Variants in PPP4R3B observed in about 807,000 individuals in gnomAD.
PPP4R3B encodes protein phosphatase 4 regulatory subunit 3B, also known as serine/threonine-protein phosphatase 4 regulatory subunit 3B.
A neutral mutation model predicts 95.4 loss-of-function variants in PPP4R3B; 52 were observed. That is an observed-to-expected ratio of 0.54 (90% CI 0.44 to 0.69). PPP4R3B has a LOEUF of 0.69. Among genes scored for constraint, PPP4R3B ranks in the 30% least tolerant of loss-of-function variants. PPP4R3B has a pLI of 0.00. For missense variants in PPP4R3B, 1,003 were observed against 1,005.9 expected, an observed-to-expected ratio of 1.00 and a Z score of 0.04; for synonymous variants, 407 against 343.9, an observed-to-expected ratio of 1.18 and a Z score of -2.03.
At chr2:55,602,474 C>T (rs996376323) in intron 3 of PPP4R3B, among the ~76,000 whole-genome samples, 1 of 152,178 alleles carries the variant, frequency 6.6e-6, no homozygotes, top group Non-Finnish European at 1.5e-5. Context: ...GCCAGACATA[C>T]TATGCTAACA....
At chr2:55,599,165 C>T (rs1401449783) in intron 3 of PPP4R3B, 126 bp from the exon 4 acceptor site, 5 of 866,902 alleles carry the variant, frequency 5.8e-6, no homozygotes, top group African/African-American at 3.4e-5. Context: ...AGGCCAGGCA[C>T]GGTGGCTCAC....
chr2:55,574,482 A>G (rs370319505), intron 11 of PPP4R3B, among the ~76,000 whole-genome samples: 3 of 152,222 alleles, frequency 2.0e-5, no homozygotes, highest in Non-Finnish European at 4.4e-5. Flanking sequence ...CTTTTTGCCT[A>G]AAGTGGCTCA....
At chr2:55,606,912 CATT>C (rs925953136) in intron 2 of PPP4R3B, among the ~76,000 whole-genome samples, 11 of 151,456 alleles carry the variant, frequency 7.3e-5, no homozygotes, top group East Asian at 3.9e-4. Context: ...TCTATTACAT[CATT>C]GTTTCTGCTT....
chr2:55,597,904 A>G (rs1692023945), intron 4 of PPP4R3B, among the ~76,000 whole-genome samples: 1 of 152,136 alleles, frequency 6.6e-6, no homozygotes, highest in Admixed American at 6.5e-5. Context: ...TAAAAAGCTA[A>G]AACACAGGCT....
intron 15 of PPP4R3B, among the ~76,000 whole-genome samples, chr2:55,559,852 T>C (rs1686366103): frequency 6.6e-6 from 1 of 152,218 alleles, no homozygotes; most frequent in Admixed American, 6.6e-5. Flanking sequence ...CAGGGCGCAG[T>C]GGCTCACGCC....
chr2:55,617,430 G>C lies in PPP4R3B; in HGVS notation c.-145C>G. The stretch of plus-strand genomic sequence containing the variant: ...GCCCGAATTCACCATGGCTCCAAAG[G>C]TTCAGCCGCGAGAAGGGGTGACAAG... On this transcript the variant is annotated 5_prime_UTR_variant, in exon 1 of 17. Coordinates refer to ENST00000616407, the MANE Select transcript of PPP4R3B (RefSeq NM_001122964.3). 1 of 986,882 alleles carries C rather than the reference G, an allele frequency of 1.0e-6. No homozygotes were observed. Among genetic ancestry groups the C allele is most frequent in the East Asian group, 3.0e-5 (1 of 33,306 alleles). 61.1% of individuals were successfully genotyped at this position (986,882 alleles called of 1,614,324 possible). A position where few individuals can be genotyped will look rare whatever the true frequency, so the allele number is the denominator to read the frequency against.
intron 4 of PPP4R3B, among the ~76,000 whole-genome samples, chr2:55,592,382 C>T (rs772450120): frequency 6.6e-6 from 1 of 152,022 alleles, no homozygotes; most frequent in Non-Finnish European, 1.5e-5. Context: ...AAACTTCAAA[C>T]GTATGAATCA....
Position 55,551,320 on chromosome 2 carries a change from AG to A in PPP4R3B, c.2455-1315del, listed in dbSNP as rs529092230. On this transcript the variant is annotated intron_variant, in intron 16 of 16. Transcript: ENST00000616407. ...ACCACTGCACTCTAGCCTGGGCAAC[AG>A]AGCAAGACTCCATCTCAAAACAAAA... 5.9e-5 allele frequency among the ~76,000 whole-genome samples: 9 copies of A among 151,436 alleles called. No individual in the cohort carries two copies. The East Asian group carries it at 1.8e-3, about 30-fold the overall frequency.
intron 2 of PPP4R3B, 135 bp downstream of exon 2, chr2:55,615,316 G>T: frequency 1.4e-6 from 1 of 708,958 alleles, no homozygotes; most frequent in Non-Finnish European, 2.3e-6. Context: ...CTTTTAACCT[G>T]CAAGAGAAAT....
intron 2 of PPP4R3B, among the ~76,000 whole-genome samples, chr2:55,605,101 T>G (rs1274982477): frequency 2.6e-5 from 4 of 152,136 alleles, no homozygotes. Flanking sequence ...CCTCCCAAAG[T>G]GCTGGGATTA....
chr2:55,584,618 T>G (rs923207747), intron 7 of PPP4R3B, among the ~76,000 whole-genome samples: 1 of 152,210 alleles, frequency 6.6e-6, no homozygotes, highest in Non-Finnish European at 1.5e-5. Context: ...TATTCCTGAG[T>G]TACTGCACTT....
rs985592944 is a variant in PPP4R3B, at chr2:55,565,104, A to G, written c.1936-63T>C. 148 of 1,359,750 alleles carry G rather than the reference A, an allele frequency of 1.1e-4. No individual in the cohort carries two copies. In the Middle Eastern group the frequency reaches 1.3e-3, roughly 12 times the overall value. The allele number at this position is 1,359,750 out of a possible 1,614,324, so 84.2% of individuals were successfully genotyped here. On this transcript the variant is annotated intron_variant, in intron 13 of 16. Coordinates refer to ENST00000616407, the MANE Select transcript of PPP4R3B (RefSeq NM_001122964.3). ...AATGCTTGTTAGAAGAAAAACTTTA[A>G]AATTTTGTTTTGTAGTTCTAAAGCT...
chr2:55,587,036 T>C (rs192916020), intron 5 of PPP4R3B, among the ~76,000 whole-genome samples: 8 of 152,246 alleles, frequency 5.3e-5, no homozygotes, highest in East Asian at 3.9e-4. Flanking sequence ...TGAATGGAGG[T>C]GTTTGACAAC....
At chr2:55,580,553 C>T (rs1689317116) in intron 8 of PPP4R3B, among the ~76,000 whole-genome samples, 1 of 152,190 alleles carries the variant, frequency 6.6e-6, no homozygotes, top group African/African-American at 2.4e-5. Context: ...CCCCAGATTT[C>T]ACCAATTCTA....
At chr2:55,565,477 C>T (rs1025764628) in intron 13 of PPP4R3B, among the ~76,000 whole-genome samples, 1 of 151,912 alleles carries the variant, frequency 6.6e-6, no homozygotes, top group Non-Finnish European at 1.5e-5. Flanking sequence ...CCAGAGCACA[C>T]GGCTGGTTAG....
At chr2:55,585,416 A>G (rs1690009639) in intron 6 of PPP4R3B, among the ~76,000 whole-genome samples, 2 of 152,200 alleles carry the variant, frequency 1.3e-5, no homozygotes, top group Admixed American at 6.5e-5. Context: ...GAATTTAAAT[A>G]TAAGAATTGG....
intron 13 of PPP4R3B, among the ~76,000 whole-genome samples, chr2:55,565,312 A>G (rs892995543): frequency 3.1e-4 from 27 of 87,946 alleles, no homozygotes; most frequent in Non-Finnish European, 4.8e-4. Flanking sequence ...TATTTTTTGT[A>G]TATATATATA....
chr2:55,570,992 C>A (rs930441150), intron 12 of PPP4R3B, among the ~76,000 whole-genome samples: 1 of 152,136 alleles, frequency 6.6e-6, no homozygotes, highest in Non-Finnish European at 1.5e-5. Flanking sequence ...TAATAGAAAT[C>A]TTGAAACAAT....
intron 12 of PPP4R3B, among the ~76,000 whole-genome samples, chr2:55,572,195 G>T (rs1334911904): frequency 6.6e-6 from 1 of 150,660 alleles, no homozygotes; most frequent in African/African-American, 2.4e-5. Flanking sequence ...AGAAGAAAGT[G>T]AGAATATCTG....
Sources: gnomAD v4.1 joint callset for allele counts (sites outside exome capture counted in the v4.1 genomes callset) on GRCh38, gnomAD v4.1.1 for gene constraint, MANE v1.5 for transcripts, NCBI Gene and HGNC (gene_info 2026-07-23, HGNC 2026-07-21) for gene names.